The following ALPK1 variants were observed in gnomAD, a reference collection of about 807,000 sequenced individuals.
ALPK1 encodes the protein alpha kinase 1, also known as alpha-protein kinase 1.
ALPK1 carries 110 observed loss-of-function variants against 120.6 expected under a neutral mutation model. The ratio of observed to expected loss-of-function variants is 0.91; its 90% CI spans 0.78 to 1.07. The LOEUF (loss-of-function observed/expected upper bound fraction) is 1.07, where lower values mean the gene tolerates loss of function less well. Ranked by LOEUF, ALPK1 falls within the 50% of genes least tolerant of loss-of-function variation. The pLI is 0.00. For missense variants in ALPK1, 1,498 were observed against 1,483.9 expected (o/e 1.01, Z -0.16); for synonymous variants, 582 against 560.3 (o/e 1.04, Z -0.55).
chr4:112,423,922 G>A (rs779290867), intron 5 of ALPK1, 22 bp from the exon 6 acceptor site: 28 of 1,613,414 alleles, frequency 1.7e-5, no homozygotes, highest in Admixed American at 1.5e-4. Context: ...TAATTGTGTG[G>A]CATTTGGTTG....
chr4:112,349,923 T>C (rs1442102124), intron 2 of ALPK1, among the ~76,000 whole-genome samples: 1 of 152,182 alleles, frequency 6.6e-6, no homozygotes, highest in Non-Finnish European at 1.5e-5. Flanking sequence ...CTAAGCATGG[T>C]ATTTTAGGCT....
intron 2 of ALPK1, among the ~76,000 whole-genome samples, chr4:112,330,606 C>T (rs1729326572): frequency 6.6e-6 from 1 of 152,178 alleles, no homozygotes; most frequent in African/African-American, 2.4e-5. Context: ...GATTCCTGGA[C>T]CCATGTGGCC....
At chr4:112,422,032 A>G (rs1049935869) in intron 5 of ALPK1, among the ~76,000 whole-genome samples, 2 of 152,198 alleles carry the variant, frequency 1.3e-5, no homozygotes, top group Non-Finnish European at 2.9e-5. Context: ...CAAGCACTGC[A>G]TTACCTGACA....
At chr4:112,348,785 G>A (rs889168463) in intron 2 of ALPK1, among the ~76,000 whole-genome samples, 6 of 152,244 alleles carry the variant, frequency 3.9e-5, no homozygotes, top group South Asian at 4.1e-4. Context: ...GTCAGCCCAG[G>A]AGTGTGGTCT....
intron 4 of ALPK1, among the ~76,000 whole-genome samples, chr4:112,391,749 C>T (rs1047040713): frequency 2.0e-5 from 3 of 152,130 alleles, no homozygotes; most frequent in Admixed American, 6.5e-5. Context: ...GAGCATGGCC[C>T]CACTGACGTC....
chr4:112,319,189 C>T (rs1043333032), intron 2 of ALPK1, among the ~76,000 whole-genome samples: 1 of 152,148 alleles, frequency 6.6e-6, no homozygotes, highest in Non-Finnish European at 1.5e-5. Flanking sequence ...AGAAGAGAGA[C>T]TGAGAAGCAA....
intron 2 of ALPK1, among the ~76,000 whole-genome samples, chr4:112,350,799 CA>C (rs1464202838): frequency 2.6e-5 from 4 of 152,212 alleles, no homozygotes; most frequent in Admixed American, 1.3e-4. Flanking sequence ...ATCTGCCTCT[CA>C]GAGAATACAT....
At chr4:112,375,164 T>C (rs1428878344) in intron 2 of ALPK1, among the ~76,000 whole-genome samples, 1 of 149,794 alleles carries the variant, frequency 6.7e-6, no homozygotes, top group African/African-American at 2.5e-5. Context: ...TAGCCACCTT[T>C]GTCAGTGATG....
In ALPK1 at chr4:112,411,837, G is replaced by A; in HGVS notation, c.287G>A (p.Arg96Lys). The A allele has an allele frequency of 1.9e-6, 3 of 1,611,800 alleles. No homozygotes were observed. Among genetic ancestry groups the A allele is most frequent in the East Asian group, 2.2e-5 (1 of 44,724 alleles). The stretch of plus-strand genomic sequence containing the variant: ...ACGCTGTTCCTCCAGGCGTCCCTGA[G>A]GGCCTCCATCCTCGCTCGGGACTGT... Reference protein sequence around the residue: ...AGLQQLLASLRASILARDCAA... With the variant: ...AGLQQLLASLKASILARDCAA... Residue 96 changes from arginine (R) to lysine (K), a missense_variant, in exon 5 of 16, where the codon AGG becomes AAG. Arg to Lys is a conservative substitution (Grantham distance 26). Coordinates refer to ENST00000650871, the MANE Select transcript of ALPK1 (RefSeq NM_025144.4).
chr4:112,352,972 T>C (rs975798912), intron 2 of ALPK1: 21 of 10,464 alleles, frequency 2.0e-3, no homozygotes, highest in Non-Finnish European at 6.0e-3. Context: ...TTTCCTTTCC[T>C]TTTTTTTTTT....
chr4:112,438,908 C>T (rs571612692), intron 13 of ALPK1, among the ~76,000 whole-genome samples: 3 of 152,294 alleles, frequency 2.0e-5, no homozygotes, highest in East Asian at 1.9e-4. Flanking sequence ...AGCTTACACA[C>T]CTTCAGCAAG....
At chr4:112,388,330 A>G (rs1393651387) in intron 4 of ALPK1, among the ~76,000 whole-genome samples, 2 of 152,236 alleles carry the variant, frequency 1.3e-5, no homozygotes, top group African/African-American at 4.8e-5. Flanking sequence ...TCGTGAGCTC[A>G]GGGGATGGAG....
Position 112,382,454 on chromosome 4 carries a change from C to T in ALPK1, c.178C>T (p.Pro60Ser). The change falls in exon 4 of 16, where the codon CCC becomes TCC. Residue 60 changes from proline (P) to serine (S), a missense_variant. Pro to Ser is a moderately conservative substitution (Grantham distance 74). Transcript: ENST00000650871. ...CCAGGAGGCAAAGGAAATGAAGTGG[C>T]CCTTCGTGCCTGAAAAGTGGCAGTA... ...LIQEAKEMKW[P>S]FVPEKWQYKQ... The T allele has an allele frequency of 6.2e-7, 1 of 1,614,038 alleles. No homozygotes were observed. Among genetic ancestry groups the T allele is most frequent in the Non-Finnish European group, 8.5e-7 (1 of 1,180,010 alleles).
intron 2 of ALPK1, chr4:112,358,812 C>G (rs4834268): frequency 0.33 from 270,916 of 810,342 alleles, 51,627 homozygotes; most frequent in Middle Eastern, 0.41. Flanking sequence ...GGAGCTGAGC[C>G]AAGCCAACTT....
chr4:112,320,942 G>A (rs182055788), intron 2 of ALPK1, among the ~76,000 whole-genome samples: 322 of 143,460 alleles, frequency 2.2e-3, no homozygotes, highest in Non-Finnish European at 4.0e-3. Flanking sequence ...TGTGGCCCAG[G>A]CTGTTGTGCA....
rs192152966 is a variant in ALPK1 at position 112,327,815 on chromosome 4, A to G, written c.-101+11963A>G. 1.1e-3 allele frequency among the ~76,000 whole-genome samples: 173 copies of G among 152,350 alleles called. 1 individual carries two copies. The highest frequency in any genetic ancestry group is 4.1e-3 in the African/African-American group (169 of 41,578). On this transcript the variant is annotated intron_variant, in intron 2 of 15. Transcript: ENST00000650871. ...AACAAGTTAAGAAATATGGCACTAAAACATATACTTAATAGCTCTTTTTCA... is the reference window on the plus strand; with the variant it reads ...AACAAGTTAAGAAATATGGCACTAAGACATATACTTAATAGCTCTTTTTCA...
rs1381664789 is a variant in ALPK1, at chr4:112,430,975, C to A, written c.1428C>A (p.Asn476Lys). 1.2e-6 allele frequency: 2 copies of A among 1,613,582 alleles called. No individual in the cohort carries two copies. The highest frequency in any genetic ancestry group is 1.7e-6 in the Non-Finnish European group (2 of 1,179,702). Residue 476 changes from asparagine (N) to lysine (K), a missense_variant, in exon 11 of 16, where the codon AAC becomes AAA. Transcript: ENST00000650871. ...VCEVFESDCGNNKNEQKDAKT... is the reference protein window; with the variant it reads ...VCEVFESDCGKNKNEQKDAKT... ...AAGTATTTGAAAGTGATTGTGGAAACAACAAAAATGAACAGAAAGATGCAA... is the reference window on the plus strand; with the variant it reads ...AAGTATTTGAAAGTGATTGTGGAAAAAACAAAAATGAACAGAAAGATGCAA...
intron 10 of ALPK1, among the ~76,000 whole-genome samples, chr4:112,429,684 A>C (rs1270569558): frequency 6.6e-6 from 1 of 152,100 alleles, no homozygotes; most frequent in Non-Finnish European, 1.5e-5. Flanking sequence ...AAATTAAAAA[A>C]TAAAAATTGG....
chr4:112,335,445 G>C (rs576534789), intron 2 of ALPK1, among the ~76,000 whole-genome samples: 16 of 152,158 alleles, frequency 1.1e-4, no homozygotes, highest in Admixed American at 9.8e-4. Flanking sequence ...GAGGATGGTT[G>C]GATTCCTGTC....
Sources: gnomAD v4.1 joint callset for allele counts (sites outside exome capture counted in the v4.1 genomes callset) on GRCh38, gnomAD v4.1.1 for gene constraint, MANE v1.5 for transcripts, NCBI Gene and HGNC (gene_info 2026-07-23, HGNC 2026-07-21) for gene names.